The following CLIC6 variants were observed in gnomAD, a reference collection of about 807,000 sequenced individuals.
CLIC6 encodes the protein CLIC family member 6, also known as chloride intracellular channel protein 6.
In CLIC6, 39 loss-of-function variants were observed where a neutral mutation model predicts 49.2. The observed-to-expected ratio is 0.79, with a 90% CI of 0.61 to 1.04. CLIC6 has a LOEUF of 1.04. CLIC6 is among the 50% of genes least tolerant of loss of function. CLIC6 has a pLI of 0.00. For synonymous variants in CLIC6, 446 were observed against 433.4 expected (o/e 1.03, Z -0.36); for missense variants, 988 against 993.1 (o/e 0.99, Z 0.07).
intron 1 of CLIC6, among the ~76,000 whole-genome samples, chr21:34,703,280 CTT>C (rs1568968067): frequency 6.6e-6 from 1 of 152,200 alleles, no homozygotes; most frequent in Non-Finnish European, 1.5e-5. Flanking sequence ...GAGAAAAGTG[CTT>C]ACTTGATGGA....
chr21:34,670,290 A>T lies in CLIC6; in HGVS notation c.902A>T (p.Asp301Val). 4 of 1,440,742 alleles carry T rather than the reference A, an allele frequency of 2.8e-6. No individual in the cohort carries two copies. Among genetic ancestry groups the T allele is most frequent in the Non-Finnish European group, 3.6e-6 (4 of 1,101,558 alleles). 89.2% of individuals were successfully genotyped at this position (1,440,742 alleles called of 1,614,324 possible). The stretch of plus-strand genomic sequence containing the variant: ...TCGGGTGAGCCGCAGCAATCGGGGG[A>T]CGGCAGCCTCTCGCCCCAGGCCGAG... ...RVSGEPQQSG[D>V]GSLSPQAEAI... is the part of the protein sequence containing the mutation. Residue 301 changes from aspartate to valine, a missense_variant, in exon 1 of 6, where the codon GAC becomes GTC. Physicochemically the swap from Asp to Val is radical, Grantham distance 152. Around this residue, in one of 3 missense-constraint regions of CLIC6, gnomAD observed 647 missense variants for 596.9 expected, o/e 1.08. Transcript: ENST00000349499.
At chr21:34,694,825 A>C (rs1990063797) in intron 1 of CLIC6, among the ~76,000 whole-genome samples, 1 of 152,220 alleles carries the variant, frequency 6.6e-6, no homozygotes, top group African/African-American at 2.4e-5. Context: ...ATCCATGGCC[A>C]TCATGCAAGT....
chr21:34,670,635 A>G lies in CLIC6; in HGVS notation c.1247A>G (p.His416Arg), dbSNP rs1177369544. The G allele has an allele frequency of 6.4e-7, 1 of 1,552,730 alleles. No individual in the cohort carries two copies. Residue 416 changes from histidine to arginine, a missense_variant, in exon 1 of 6, where the codon CAC becomes CGC. Physicochemically the swap from His to Arg is conservative, Grantham distance 29. Transcript: ENST00000349499. ...AAEPEAQLSN[H>R]LAEEGPAEGS... ...GAGCCTGAGGCCCAGCTCAGCAACC[A>G]CCTGGCCGAGGAGGGCCCCGCCGAG...
intron 1 of CLIC6, among the ~76,000 whole-genome samples, chr21:34,676,465 G>A (rs1989672496): frequency 6.6e-6 from 1 of 152,198 alleles, no homozygotes; most frequent in Non-Finnish European, 1.5e-5. Flanking sequence ...CAGACATTGG[G>A]CAATGTAGTA....
intron 1 of CLIC6, among the ~76,000 whole-genome samples, chr21:34,681,021 C>T (rs1418307905): frequency 6.6e-6 from 1 of 152,238 alleles, no homozygotes; most frequent in Non-Finnish European, 1.5e-5. Flanking sequence ...CAGCATCCCA[C>T]TCTCTTCAGT....
intron 3 of CLIC6, 52 bp downstream of exon 3, chr21:34,708,121 A>G (rs765795306): frequency 1.9e-6 from 3 of 1,604,818 alleles, no homozygotes; most frequent in South Asian, 2.2e-5. Context: ...TTCCCCCACT[A>G]GTAGTCAGTT....
At chr21:34,702,947 C>A (rs2055990075) in intron 1 of CLIC6, among the ~76,000 whole-genome samples, 1 of 152,186 alleles carries the variant, frequency 6.6e-6, no homozygotes, top group Non-Finnish European at 1.5e-5. Flanking sequence ...TGACTCTGGC[C>A]TCCTCTGGTC....
At chr21:34,711,550 AATAAATAAATAAATAAAT>A (rs1279511970) in intron 5 of CLIC6, among the ~76,000 whole-genome samples, 1 of 149,932 alleles carries the variant, frequency 6.7e-6, no homozygotes, top group Admixed American at 6.6e-5. Flanking sequence ...TAAATAAATA[AATAAATAAATAAATAAAT>A]AAATTACATG....
At chr21:34,679,102 C>T (rs1205589604) in intron 1 of CLIC6, among the ~76,000 whole-genome samples, 1 of 152,200 alleles carries the variant, frequency 6.6e-6, no homozygotes, top group African/African-American at 2.4e-5. Flanking sequence ...TGTTCTCACG[C>T]TGTTGTGAAG....
chr21:34,680,275 C>T (rs1036587726), intron 1 of CLIC6, among the ~76,000 whole-genome samples: 13 of 152,220 alleles, frequency 8.5e-5, no homozygotes, highest in African/African-American at 3.1e-4. Context: ...AGTTGTACCT[C>T]GGCCCCTTTT....
In CLIC6 at chr21:34,669,751, C is replaced by T; in HGVS notation, c.363C>T (p.Pro121=). 12 of 1,394,866 alleles carry T rather than the reference C, an allele frequency of 8.6e-6. No homozygotes were observed. Among genetic ancestry groups the T allele is most frequent in the Non-Finnish European group, 1.1e-5 (12 of 1,085,278 alleles). 86.4% of individuals were successfully genotyped at this position (1,394,866 alleles called of 1,614,324 possible). Residue 121 remains proline, a synonymous_variant, in exon 1 of 6, where the codon CCC becomes CCT. Transcript: ENST00000349499. ...CGGGACGCGGCGCGCAGGGCGAGCC[C>T]CGCGGGGAGGCTCAGAGGGAGCCCG... is the stretch of plus-strand genomic sequence containing the variant. The part of the protein sequence containing the change: ...ASPGRGAQGE[P]RGEAQREPED...
At chr21:34,688,389 A>G (rs926824907) in intron 1 of CLIC6, among the ~76,000 whole-genome samples, 21 of 152,202 alleles carry the variant, frequency 1.4e-4, no homozygotes, top group Non-Finnish European at 1.5e-5. Context: ...GGAAGACAAA[A>G]GACGGAGAAC....
At chr21:34,707,468 C>CACCT in intron 2 of CLIC6, 79 bp downstream of exon 2, 9 of 888,154 alleles carry the variant, frequency 1.0e-5, no homozygotes, top group Non-Finnish European at 1.5e-5. Context: ...CACACACACA[C>CACCT]ACCTGAGGCC....
At chr21:34,689,761 G>A (rs917442261) in intron 1 of CLIC6, among the ~76,000 whole-genome samples, 6 of 152,050 alleles carry the variant, frequency 3.9e-5, no homozygotes, top group Non-Finnish European at 7.4e-5. Flanking sequence ...TGGGGACTGC[G>A]GCTGCTGAAG....
rs955026057 is a variant in CLIC6, at chr21:34,670,363, G to A, written c.975G>A (p.Glu325=). Residue 325 remains glutamate, a synonymous_variant, in exon 1 of 6, where the codon GAG becomes GAA. Coordinates refer to ENST00000349499, the MANE Select transcript of CLIC6 (RefSeq NM_053277.3). ...AGESAGRSPG[E]LAWDAAEEAE... ...AGAGTGCGGGGCGCAGCCCCGGTGA[G>A]CTCGCCTGGGACGCAGCGGAGGAGG... 22 of 1,452,094 alleles carry A rather than the reference G, an allele frequency of 1.5e-5. No individual in the cohort carries two copies. The highest frequency in any genetic ancestry group is 4.6e-4 in the Middle Eastern group (2 of 4,314). The allele number at this position is 1,452,094 out of a possible 1,614,324, so 90.0% of individuals were successfully genotyped here.
Position 34,707,523 on chromosome 21 carries a change from T to C in CLIC6, c.1484+134T>C, listed in dbSNP as rs548245346. Reference sequence around the variant, plus strand: ...GTCCATCCTCAGTCGGAGTCTGAACTGAAGCCCACATGTGGGCCAAGCAGT... The same window carrying C: ...GTCCATCCTCAGTCGGAGTCTGAACCGAAGCCCACATGTGGGCCAAGCAGT... On this transcript the variant is annotated intron_variant, in intron 2 of 5. Coordinates refer to ENST00000349499, the MANE Select transcript of CLIC6 (RefSeq NM_053277.3). The C allele has an allele frequency of 3.8e-3, 2,554 of 672,002 alleles. 11 individuals are homozygous for C. Among genetic ancestry groups the C allele is most frequent in the South Asian group, 8.2e-3 (454 of 55,460 alleles). The allele number at this position is 672,002 out of a possible 1,614,324, so 41.6% of individuals were successfully genotyped here.
rs1989486676 is a variant in CLIC6, at chr21:34,669,611, G to T, written c.223G>T (p.Gly75Cys). The change falls in exon 1 of 6, where the codon GGC becomes TGC. Residue 75 changes from glycine to cysteine, a missense_variant. By Grantham distance (159) the Gly-to-Cys change is radical (BLOSUM62 -3). Transcript: ENST00000349499. ...CAGGGGCCCGGAGGCCGAGGCGCGG[G>T]GCACGAGGGGGGCGCACGGCGAGAC... ...PDRGPEAEAR[G>C]TRGAHGETEA... The T allele has an allele frequency of 1.6e-6, 2 of 1,278,118 alleles. No individual in the cohort carries two copies. The highest frequency in any genetic ancestry group is 8.4e-5 in the Admixed American group (2 of 23,904). 79.2% of individuals were successfully genotyped at this position (1,278,118 alleles called of 1,614,324 possible).
intron 1 of CLIC6, among the ~76,000 whole-genome samples, chr21:34,690,388 A>G (rs1989970122): frequency 6.6e-6 from 1 of 152,230 alleles, no homozygotes; most frequent in African/African-American, 2.4e-5. Flanking sequence ...TTCTCTGTAG[A>G]GAATATATTT....
chr21:34,708,598 T>C, intron 3 of CLIC6, 102 bp from the exon 4 acceptor site: 1 of 808,458 alleles, frequency 1.2e-6, no homozygotes, highest in Non-Finnish European at 2.0e-6. Flanking sequence ...AAGGAAAGCT[T>C]TTCATTTTTA....
Sources: allele counts gnomAD v4.1 joint callset (sites outside exome capture counted in the v4.1 genomes callset), GRCh38; gene constraint gnomAD v4.1.1; regional missense constraint gnomAD v4.1.1; transcripts MANE v1.5; gene names NCBI Gene and HGNC (gene_info 2026-07-23, HGNC 2026-07-21).